Variants in COPS3 observed in about 807,000 individuals in gnomAD.
COPS3 encodes the protein COP9 signalosome complex subunit 3.
Under a neutral mutation model 58.2 loss-of-function variants are expected in COPS3, and 10 were observed. The observed-to-expected ratio is 0.17, with a 90% CI of 0.11 to 0.29. COPS3 has a LOEUF of 0.29. Among genes scored for constraint, COPS3 ranks in the 10% least tolerant of loss-of-function variants. The probability of loss-of-function intolerance (pLI) is 1.00; values close to 1 mark genes in which losing one functional copy is unlikely to be tolerated. For synonymous variants in COPS3, 187 were observed against 181.7 expected (o/e 1.03, Z -0.24); for missense variants, 333 against 510.1 (o/e 0.65, Z 3.34).
rs2048114316 is a variant in COPS3 at position 17,262,108 on chromosome 17, T to TA, written c.622-3dup. On this transcript the variant is annotated splice_region_variant and splice_polypyrimidine_tract_variant and intron_variant, in intron 6 of 11. Coordinates refer to ENST00000268717, the MANE Select transcript of COPS3 (RefSeq NM_003653.4). ...CGCCATGGCAGGAGTAGTTATAGCC[T>TA]AGGCAAGAGAAGAATGCTTGCTGTA... 6.2e-7 allele frequency: 1 copy of TA among 1,605,212 alleles called. No individual in the cohort carries two copies. Among genetic ancestry groups the TA allele is most frequent in the African/African-American group, 1.3e-5 (1 of 74,338 alleles).
chr17:17,254,499 A>G (rs1177382576), intron 9 of COPS3, among the ~76,000 whole-genome samples: 7 of 152,292 alleles, frequency 4.6e-5, no homozygotes, highest in Admixed American at 1.3e-4. Context: ...ACAAAAATCC[A>G]GTAATTAATT....
chr17:17,250,692 CA>C (rs2047823827), intron 9 of COPS3, among the ~76,000 whole-genome samples: 1 of 151,970 alleles, frequency 6.6e-6, no homozygotes, highest in African/African-American at 2.4e-5. Flanking sequence ...AATAAAAGTA[CA>C]AAACAGGTAT....
At chr17:17,278,873 T>G (rs542656661) in intron 1 of COPS3, among the ~76,000 whole-genome samples, 1 of 151,682 alleles carries the variant, frequency 6.6e-6, no homozygotes, top group East Asian at 1.9e-4. Flanking sequence ...AAAATTCTTT[T>G]TTTTCTTTTT....
chr17:17,265,240 T>C (rs2048194213), intron 5 of COPS3, among the ~76,000 whole-genome samples: 1 of 152,168 alleles, frequency 6.6e-6, no homozygotes, highest in South Asian at 2.1e-4. Flanking sequence ...TGAAATCCAA[T>C]TGCTCCAATG....
intron 9 of COPS3, 27 bp from the exon 10 acceptor site, chr17:17,249,066 G>A (rs1159271525): frequency 3.7e-6 from 5 of 1,357,294 alleles, no homozygotes; most frequent in South Asian, 1.2e-5. Flanking sequence ...AAAAAAATCA[G>A]GAAAGCAGTT....
chr17:17,277,732 T>C (rs1769921964), intron 1 of COPS3, among the ~76,000 whole-genome samples: 1 of 151,554 alleles, frequency 6.6e-6, no homozygotes, highest in Admixed American at 6.6e-5. Flanking sequence ...CAATGCTACA[T>C]TTTAACAACT....
At chr17:17,259,728 T>C (rs2048051424) in intron 8 of COPS3, among the ~76,000 whole-genome samples, 2 of 151,912 alleles carry the variant, frequency 1.3e-5, no homozygotes, top group Admixed American at 1.3e-4. Context: ...ACCTTGTCTA[T>C]ACAAAAAATA....
chr17:17,278,693 T>C (rs1787824031), intron 1 of COPS3, among the ~76,000 whole-genome samples: 1 of 152,120 alleles, frequency 6.6e-6, no homozygotes, highest in Non-Finnish European at 1.5e-5. Context: ...TGCAATCCAT[T>C]AGTTCTCTAC....
intron 1 of COPS3, among the ~76,000 whole-genome samples, chr17:17,278,473 T>A (rs1370835812): frequency 6.6e-6 from 1 of 152,222 alleles, no homozygotes; most frequent in Admixed American, 6.5e-5. Flanking sequence ...TTATTATACA[T>A]GCATTACAAA....
At chr17:17,255,234 A>G (rs2047941450) in intron 8 of COPS3, among the ~76,000 whole-genome samples, 1 of 151,976 alleles carries the variant, frequency 6.6e-6, no homozygotes, top group Admixed American at 6.6e-5. Context: ...CAGGAGGCGG[A>G]GGTTGCAGTG....
chr17:17,249,415 C>T (rs762979040), intron 9 of COPS3, among the ~76,000 whole-genome samples: 10 of 152,160 alleles, frequency 6.6e-5, no homozygotes, highest in Non-Finnish European at 1.2e-4. Flanking sequence ...CCTCTACCTC[C>T]GGGGTTCAAG....
chr17:17,278,104 T>C (rs923570710), intron 1 of COPS3, among the ~76,000 whole-genome samples: 30 of 152,184 alleles, frequency 2.0e-4, no homozygotes, highest in African/African-American at 7.2e-4. Flanking sequence ...TGAGCTGAGA[T>C]TGCGCCACTG....
At chr17:17,260,809 A>AAG (rs1478291135) in intron 7 of COPS3, 1 of 173,368 alleles carries the variant, frequency 5.8e-6, no homozygotes, top group African/African-American at 2.4e-5. Context: ...TCTCAAAAAA[A>AAG]AAAAAAAAAC....
intron 2 of COPS3, among the ~76,000 whole-genome samples, chr17:17,275,491 TAA>T (rs1290315533): frequency 2.0e-5 from 3 of 152,268 alleles, no homozygotes; most frequent in South Asian, 4.1e-4. Flanking sequence ...CCCGGATACA[TAA>T]AAGAGTTTTT....
At chr17:17,278,145 C>A (rs1054215348) in intron 1 of COPS3, among the ~76,000 whole-genome samples, 1 of 151,842 alleles carries the variant, frequency 6.6e-6, no homozygotes, top group Non-Finnish European at 1.5e-5. Context: ...AGCAAGACTC[C>A]GTTTCGGGGG....
chr17:17,267,008 G>A (rs1026006674), intron 5 of COPS3, among the ~76,000 whole-genome samples: 2 of 149,884 alleles, frequency 1.3e-5, no homozygotes, highest in African/African-American at 2.4e-5. Context: ...GCACCTGGCA[G>A]GCTCCACAAT....
At chr17:17,254,023 A>G (rs2047906700) in intron 9 of COPS3, among the ~76,000 whole-genome samples, 1 of 151,592 alleles carries the variant, frequency 6.6e-6, no homozygotes, top group Non-Finnish European at 1.5e-5. Context: ...TAAGGAGTAC[A>G]GGGCTGGGCA....
chr17:17,253,089 G>T (rs2047887995), intron 9 of COPS3, among the ~76,000 whole-genome samples: 1 of 152,114 alleles, frequency 6.6e-6, no homozygotes, highest in Non-Finnish European at 1.5e-5. Context: ...AGCTGGGTGT[G>T]GTGGCACACA....
intron 8 of COPS3, among the ~76,000 whole-genome samples, chr17:17,255,246 G>A (rs1033566298): frequency 6.6e-6 from 1 of 152,040 alleles, no homozygotes; most frequent in African/African-American, 2.4e-5. Context: ...GTTGCAGTGA[G>A]TGGAGACTGA....
Sources: allele counts gnomAD v4.1 joint callset (sites outside exome capture counted in the v4.1 genomes callset), GRCh38; gene constraint gnomAD v4.1.1; transcripts MANE v1.5; gene names NCBI Gene and HGNC (gene_info 2026-07-23, HGNC 2026-07-21).